The following NFX1 variants were observed in gnomAD, a reference collection of about 807,000 sequenced individuals.
The protein encoded by NFX1 is nuclear transcription factor, X-box binding 1, also known as transcriptional repressor NF-X1.
NFX1 carries 69 observed loss-of-function variants against 137.2 expected under a neutral mutation model. That is an observed-to-expected ratio of 0.50 (90% confidence interval 0.41 to 0.61). NFX1 has a LOEUF of 0.61. Ranked by LOEUF, NFX1 falls within the 20% of genes least tolerant of loss-of-function variation. The pLI is 0.00. For synonymous variants in NFX1, 495 were observed against 474.1 expected (o/e 1.04, Z -0.57); for missense variants, 1,167 against 1,391.0 (o/e 0.84, Z 2.56).
chr9:33,315,162 T>C (rs1484850670), intron 7 of NFX1, among the ~76,000 whole-genome samples: 1 of 151,334 alleles, frequency 6.6e-6, no homozygotes, highest in Non-Finnish European at 1.5e-5. Context: ...GAGGCGGAGG[T>C]TGCAGTGAGC....
intron 10 of NFX1, among the ~76,000 whole-genome samples, chr9:33,331,783 G>T (rs181210602): frequency 6.7e-6 from 1 of 149,774 alleles, no homozygotes; most frequent in East Asian, 2.0e-4. Flanking sequence ...ACCTGTAAAT[G>T]ACATCAAAGC....
intron 9 of NFX1, among the ~76,000 whole-genome samples, chr9:33,326,070 A>G (rs1390594433): frequency 6.6e-6 from 1 of 152,220 alleles, no homozygotes; most frequent in Non-Finnish European, 1.5e-5. Flanking sequence ...ACCAGATCAC[A>G]ACTCAAACCT....
At chr9:33,328,431 T>C in intron 9 of NFX1, 150 bp from the exon 10 acceptor site, 1 of 596,984 alleles carries the variant, frequency 1.7e-6, no homozygotes, top group Non-Finnish European at 3.0e-6. Flanking sequence ...GAAGGGAAGA[T>C]AGGGAAGAAG....
chr9:33,308,269 C>T (rs114019569), intron 5 of NFX1, among the ~76,000 whole-genome samples: 1,822 of 152,200 alleles, frequency 0.012, 41 homozygotes, highest in African/African-American at 0.038. Context: ...AAATGAGACC[C>T]CGTCTCTACA....
intron 20 of NFX1, among the ~76,000 whole-genome samples, 154 bp from the exon 21 acceptor site, chr9:33,364,554 C>T (rs943512550): frequency 1.3e-5 from 2 of 152,118 alleles, no homozygotes; most frequent in Non-Finnish European, 2.9e-5. Context: ...TTTGTTCTTC[C>T]GTCAGTCATC....
intron 5 of NFX1, among the ~76,000 whole-genome samples, chr9:33,310,552 C>G (rs1358282153): frequency 3.9e-5 from 6 of 152,096 alleles, no homozygotes; most frequent in African/African-American, 1.2e-4. Flanking sequence ...TCCATGACCC[C>G]CTTCCCTTTC....
intron 11 of NFX1, among the ~76,000 whole-genome samples, chr9:33,333,090 C>G (rs576328371): frequency 6.6e-6 from 1 of 152,204 alleles, no homozygotes; most frequent in Non-Finnish European, 1.5e-5. Flanking sequence ...AAGTGATCCA[C>G]CCGCCTCGGC....
intron 9 of NFX1, among the ~76,000 whole-genome samples, chr9:33,323,993 G>A (rs1187073780): frequency 1.3e-5 from 2 of 152,152 alleles, no homozygotes; most frequent in Non-Finnish European, 2.9e-5. Context: ...CTGAATCTCA[G>A]TGCTTTGAGA....
At chr9:33,307,432 A>G (rs1304115853) in intron 5 of NFX1, 133 bp downstream of exon 5, 2 of 711,250 alleles carry the variant, frequency 2.8e-6, no homozygotes, top group Non-Finnish European at 4.9e-6. Flanking sequence ...ATGGTCTCAA[A>G]TCACCCTGTG....
At chr9:33,352,522 G>T in intron 16 of NFX1, 124 bp from the exon 17 acceptor site, 1 of 798,960 alleles carries the variant, frequency 1.3e-6, no homozygotes, top group East Asian at 2.6e-5. Flanking sequence ...TTCCAGCTTG[G>T]AGAGTGGCCA....
chr9:33,296,225 A>G (rs1186727107), intron 2 of NFX1, among the ~76,000 whole-genome samples: 1 of 152,156 alleles, frequency 6.6e-6, no homozygotes, highest in African/African-American at 2.4e-5. Flanking sequence ...GCCCTGCCTA[A>G]AACACACATT....
rs781756626 is a variant in NFX1, at chr9:33,346,991, G to GGCTTTATTTA, written c.2345-45_2345-36dup. 31 of 1,481,574 alleles carry GGCTTTATTTA rather than the reference G, an allele frequency of 2.1e-5. No individual in the cohort carries two copies. In the Middle Eastern group the frequency reaches 5.2e-4, roughly 25 times the overall value. The allele number at this position is 1,481,574 out of a possible 1,614,324, so 91.8% of individuals were successfully genotyped here. ...TTATATGATGTATAATGGTTTACATGGCTTTATTTAGAAAGTATTCCTAAA... is the reference window on the plus strand; with the variant it reads ...TTATATGATGTATAATGGTTTACATGGCTTTATTTAGCTTTATTTAGAAAGTATTCCTAAA... On this transcript the variant is annotated intron_variant, in intron 14 of 23. Transcript: ENST00000379540.
chr9:33,364,936 A>C, intron 21 of NFX1, 162 bp downstream of exon 21: 2 of 1,437,918 alleles, frequency 1.4e-6, no homozygotes, highest in Non-Finnish European at 1.8e-6. Context: ...CCATTATAAC[A>C]TCTGTGGAAG....
At chr9:33,347,239 C>A in intron 15 of NFX1, 122 bp downstream of exon 15, 1 of 723,654 alleles carries the variant, frequency 1.4e-6, no homozygotes, top group Non-Finnish European at 2.3e-6. Context: ...CTTTCCATTG[C>A]TTAAAAATTT....
chr9:33,303,264 C>T lies in NFX1; in HGVS notation c.1266C>T (p.Phe422=). 3 of 1,613,786 alleles carry T rather than the reference C, an allele frequency of 1.9e-6. No homozygotes were observed. Among genetic ancestry groups the T allele is most frequent in the Non-Finnish European group, 2.5e-6 (3 of 1,179,740 alleles). ...ATGTTCCTAATACCTACACTTGTTTCTGTGGTAAGTTTGTTTATATACACT... is the reference window on the plus strand; with the variant it reads ...ATGTTCCTAATACCTACACTTGTTTTTGTGGTAAGTTTGTTTATATACACT... ...SAHVPNTYTC[F]CGKVKNPEWS... is the part of the protein sequence containing the mutation. Residue 422 remains phenylalanine (F), a synonymous_variant, in exon 4 of 24, where the codon TTC becomes TTT. Transcript: ENST00000379540.
chr9:33,308,984 C>A (rs1338540734), intron 5 of NFX1, among the ~76,000 whole-genome samples: 1 of 152,188 alleles, frequency 6.6e-6, no homozygotes, highest in African/African-American at 2.4e-5. Context: ...TTCCCTTTGA[C>A]TGCTCGCATA....
At chr9:33,294,389 T>C in intron 1 of NFX1, 31 bp from the exon 2 acceptor site, 1 of 1,520,840 alleles carries the variant, frequency 6.6e-7, no homozygotes, top group Non-Finnish European at 8.8e-7. Flanking sequence ...GTTTAATCTC[T>C]TTACTGGCAT....
chr9:33,313,950 T>G (rs1345846015), intron 7 of NFX1, among the ~76,000 whole-genome samples, 157 bp downstream of exon 7: 1 of 152,164 alleles, frequency 6.6e-6, no homozygotes, highest in African/African-American at 2.4e-5. Flanking sequence ...TTTTATTATT[T>G]TACCTGCATA....
At chr9:33,315,225 C>CAA (rs60137205) in intron 7 of NFX1, among the ~76,000 whole-genome samples, 7,126 of 90,722 alleles carry the variant, frequency 0.079, 591 homozygotes, top group African/African-American at 0.24. Context: ...AACTCTGTCT[C>CAA]AAAAAAAAAA....
Sources: gnomAD v4.1 joint callset for allele counts (sites outside exome capture counted in the v4.1 genomes callset) on GRCh38, gnomAD v4.1.1 for gene constraint, MANE v1.5 for transcripts, NCBI Gene and HGNC (gene_info 2026-07-23, HGNC 2026-07-21) for gene names.